The following ARHGAP15 variants were observed in gnomAD, a reference collection of about 807,000 sequenced individuals.
The protein encoded by ARHGAP15 is rho GTPase-activating protein 15.
In ARHGAP15, 51 loss-of-function variants were observed where a neutral mutation model predicts 63.7. That is an observed-to-expected ratio of 0.80 (90% CI 0.64 to 1.01). ARHGAP15 has a LOEUF of 1.01. Among genes scored for constraint, ARHGAP15 ranks in the 50% least tolerant of loss-of-function variants. ARHGAP15 has a pLI of 0.00. For missense variants in ARHGAP15, 560 were observed against 564.6 expected (o/e 0.99, Z 0.08); for synonymous variants, 191 against 193.8 (o/e 0.99, Z 0.12).
At chr2:143,295,924 C>A (rs2105134127) in intron 6 of ARHGAP15, among the ~76,000 whole-genome samples, 1 of 151,996 alleles carries the variant, frequency 6.6e-6, no homozygotes, top group South Asian at 2.1e-4. Flanking sequence ...CAAATGTCAC[C>A]TTCTACTCAT....
rs548846170 is a variant in ARHGAP15 at position 143,631,847 on chromosome 2, T to C, written c.1138+7580T>C. Among the ~76,000 whole-genome samples the C allele has an allele frequency of 1.6e-4, 24 of 147,662 alleles. No individual in the cohort carries two copies. The East Asian group carries it at 1.8e-3, about 11-fold the overall frequency. On this transcript the variant is annotated intron_variant, in intron 12 of 13. Transcript: ENST00000295095. ...CCATTTTGTCTTTTATGGATCTTGC[T>C]GTGCCTTCACGTGGACTAATACTAT...
chr2:143,217,086 G>A (rs1692784752), intron 4 of ARHGAP15, among the ~76,000 whole-genome samples: 1 of 152,098 alleles, frequency 6.6e-6, no homozygotes, highest in South Asian at 2.1e-4. Context: ...ATTTAGCTTT[G>A]TGCTGGGTGA....
rs538480123 is a variant in ARHGAP15 at position 143,259,933 on chromosome 2, C to T, written c.474+9333C>T. 3.3e-5 allele frequency among the ~76,000 whole-genome samples: 5 copies of T among 152,162 alleles called. No homozygotes were observed. In the East Asian group the frequency reaches 7.7e-4, roughly 24 times the overall value. On this transcript the variant is annotated intron_variant, in intron 6 of 13. Coordinates refer to ENST00000295095, the MANE Select transcript of ARHGAP15 (RefSeq NM_018460.4). ...AAGGTTTATTGAATCTAAAGATATG[C>T]TATTTTGCTTAAATAAGAATATACA...
At chr2:143,436,847 C>CA (rs961193230) in intron 7 of ARHGAP15, 66 bp from the exon 8 acceptor site, 5 of 1,557,356 alleles carry the variant, frequency 3.2e-6, no homozygotes, top group East Asian at 2.3e-5. Context: ...AAATTGAACA[C>CA]AAAATTCTAT....
intron 6 of ARHGAP15, among the ~76,000 whole-genome samples, chr2:143,329,756 A>G (rs372240885): frequency 3.9e-5 from 6 of 152,060 alleles, no homozygotes; most frequent in African/African-American, 1.4e-4. Flanking sequence ...TACACATGTA[A>G]TTTATACATA....
chr2:143,536,643 A>G (rs1347093726), intron 10 of ARHGAP15, among the ~76,000 whole-genome samples: 2 of 150,676 alleles, frequency 1.3e-5, no homozygotes, highest in African/African-American at 2.4e-5. Context: ...TTGTCCTTGC[A>G]ATAGTTTGCT....
intron 6 of ARHGAP15, among the ~76,000 whole-genome samples, chr2:143,387,312 C>T (rs1458582979): frequency 1.3e-5 from 2 of 152,128 alleles, no homozygotes; most frequent in Non-Finnish European, 2.9e-5. Flanking sequence ...CCTGATACCA[C>T]TGATAATAAG....
At chr2:143,238,447 C>T (rs542598503) in intron 5 of ARHGAP15, 1 of 152,190 alleles carries the variant, frequency 6.6e-6, no homozygotes, top group East Asian at 1.9e-4. Context: ...AAAAAAAGCC[C>T]AACATCATTG....
At chr2:143,327,646 T>C (rs1194350854) in intron 6 of ARHGAP15, among the ~76,000 whole-genome samples, 1 of 152,026 alleles carries the variant, frequency 6.6e-6, no homozygotes, top group Non-Finnish European at 1.5e-5. Context: ...CCTAAAACCA[T>C]AAAAACCCTA....
chr2:143,662,178 T>G (rs959598313), intron 12 of ARHGAP15, among the ~76,000 whole-genome samples: 26 of 152,308 alleles, frequency 1.7e-4, no homozygotes, highest in Admixed American at 3.9e-4. Flanking sequence ...CTGACAGCTT[T>G]GAAGAGAGCA....
At chr2:143,650,064 A>C (rs1443564294) in intron 12 of ARHGAP15, among the ~76,000 whole-genome samples, 1 of 151,766 alleles carries the variant, frequency 6.6e-6, no homozygotes, top group East Asian at 1.9e-4. Flanking sequence ...TCTTCTTTTA[A>C]ATTCCGTCAG....
intron 1 of ARHGAP15, among the ~76,000 whole-genome samples, chr2:143,146,050 G>A (rs1439428222): frequency 4.6e-5 from 7 of 151,620 alleles, no homozygotes; most frequent in Admixed American, 2.6e-4. Context: ...TTGAAATTAA[G>A]CAAGGGTCTC....
At chr2:143,607,502 A>G (rs1273964501) in intron 11 of ARHGAP15, 2 of 151,738 alleles carry the variant, frequency 1.3e-5, no homozygotes, top group South Asian at 2.1e-4. Flanking sequence ...AATTGCTCCC[A>G]TTTCCTGTCC....
chr2:143,256,725 G>A (rs914275877), intron 6 of ARHGAP15, among the ~76,000 whole-genome samples: 14 of 151,820 alleles, frequency 9.2e-5, no homozygotes, highest in Non-Finnish European at 2.1e-4. Context: ...TTGTTGATGC[G>A]GTCACACAGA....
chr2:143,334,543 A>G (rs1319833272), intron 6 of ARHGAP15, among the ~76,000 whole-genome samples: 1 of 152,198 alleles, frequency 6.6e-6, no homozygotes, highest in Non-Finnish European at 1.5e-5. Flanking sequence ...AATGGTGATA[A>G]GATGTAAAGC....
intron 4 of ARHGAP15, among the ~76,000 whole-genome samples, chr2:143,223,815 G>A (rs750687123): frequency 6.6e-6 from 1 of 152,184 alleles, no homozygotes; most frequent in Non-Finnish European, 1.5e-5. Flanking sequence ...ACTGGAGTGA[G>A]CAGGGGCCTG....
intron 7 of ARHGAP15, 140 bp from the exon 8 acceptor site, chr2:143,436,773 G>A: frequency 1.4e-6 from 1 of 740,096 alleles, no homozygotes. Flanking sequence ...TTAGAGTATT[G>A]AGCTTAGCAT....
chr2:143,420,001 A>T (rs1688851430), intron 6 of ARHGAP15, among the ~76,000 whole-genome samples: 1 of 152,152 alleles, frequency 6.6e-6, no homozygotes, highest in African/African-American at 2.4e-5. Context: ...GGTTTAGGGA[A>T]TTAGTTTGTC....
At chr2:143,344,891 C>G (rs1685203647) in intron 6 of ARHGAP15, among the ~76,000 whole-genome samples, 1 of 152,076 alleles carries the variant, frequency 6.6e-6, no homozygotes, top group Non-Finnish European at 1.5e-5. Context: ...GAAAATATAA[C>G]TAATGAGGAA....
Sources: allele counts gnomAD v4.1 joint callset (sites outside exome capture counted in the v4.1 genomes callset), GRCh38; gene constraint gnomAD v4.1.1; transcripts MANE v1.5; gene names NCBI Gene and HGNC (gene_info 2026-07-23, HGNC 2026-07-21).